LRRC69: variants seen among roughly 807,000 people sequenced by gnomAD.
LRRC69 encodes the protein leucine rich repeat containing 69.
A neutral mutation model predicts 37.8 loss-of-function variants in LRRC69; 42 were observed. The observed-to-expected ratio is 1.11, with a 90% CI of 0.87 to 1.44. The LOEUF is 1.44. Among genes scored for constraint, LRRC69 ranks in the 40% most tolerant of loss-of-function variants. The pLI is 0.00. For synonymous variants in LRRC69, 141 were observed against 143.1 expected (o/e 0.99, Z 0.11); for missense variants, 357 against 401.9 (o/e 0.89, Z 0.96).
intron 6 of LRRC69, among the ~76,000 whole-genome samples, chr8:91,195,103 C>T (rs1040522353): frequency 1.3e-5 from 2 of 152,022 alleles, no homozygotes; most frequent in African/African-American, 4.8e-5. Flanking sequence ...TGTTATGTAC[C>T]CAGTAGTCAT....
chr8:91,195,874 T>C (rs2130620437), intron 6 of LRRC69, among the ~76,000 whole-genome samples: 1 of 152,242 alleles, frequency 6.6e-6, no homozygotes, highest in South Asian at 2.1e-4. Flanking sequence ...TGTGTGAATT[T>C]GATCCTGTCA....
intron 7 of LRRC69, among the ~76,000 whole-genome samples, chr8:91,206,455 CAT>C (rs1809806856): frequency 6.6e-6 from 1 of 152,094 alleles, no homozygotes; most frequent in African/African-American, 2.4e-5. Flanking sequence ...ATCTTGATCA[CAT>C]ATGTAGCTAT....
chr8:91,170,939 G>C (rs1227319892), intron 5 of LRRC69, among the ~76,000 whole-genome samples: 1 of 140,328 alleles, frequency 7.1e-6, no homozygotes, highest in Admixed American at 7.3e-5. Flanking sequence ...CACAGCAAAA[G>C]AAACTACCAT....
At chr8:91,129,563 A>T (rs550215879) in intron 3 of LRRC69, among the ~76,000 whole-genome samples, 10 of 151,888 alleles carry the variant, frequency 6.6e-5, no homozygotes, top group Non-Finnish European at 1.2e-4. Context: ...AAAAATGATA[A>T]TAAAAATGAT....
At chr8:91,133,410 T>A in intron 4 of LRRC69, 105 bp downstream of exon 4, 1 of 765,060 alleles carries the variant, frequency 1.3e-6, no homozygotes, top group South Asian at 2.4e-5. Flanking sequence ...AGCCACCACT[T>A]GCTTTCTCTC....
chr8:91,148,727 C>T (rs1467742111), intron 5 of LRRC69, among the ~76,000 whole-genome samples: 2 of 151,996 alleles, frequency 1.3e-5, no homozygotes, highest in African/African-American at 2.4e-5. Context: ...TATTTCTCCA[C>T]ATCCTCTCCA....
intron 6 of LRRC69, among the ~76,000 whole-genome samples, chr8:91,192,943 T>A (rs924020743): frequency 9.2e-5 from 14 of 152,192 alleles, no homozygotes; most frequent in African/African-American, 1.4e-4. Context: ...CTGAATGGTA[T>A]TGCCTAGGTT....
At chr8:91,161,083 T>C (rs1808935439) in intron 5 of LRRC69, among the ~76,000 whole-genome samples, 1 of 151,490 alleles carries the variant, frequency 6.6e-6, no homozygotes, top group South Asian at 2.1e-4. Flanking sequence ...TCTGTTGATA[T>C]GATGTATTAT....
chr8:91,177,606 G>A (rs1809254572), intron 5 of LRRC69, among the ~76,000 whole-genome samples: 1 of 152,102 alleles, frequency 6.6e-6, no homozygotes, highest in Admixed American at 6.5e-5. Flanking sequence ...AAACACTGCT[G>A]CACATGGTAC....
intron 5 of LRRC69, among the ~76,000 whole-genome samples, chr8:91,148,549 G>A (rs1234330207): frequency 1.3e-5 from 2 of 151,942 alleles, no homozygotes; most frequent in African/African-American, 4.8e-5. Flanking sequence ...ACATACATGT[G>A]CATGTGTCTT....
At chr8:91,176,134 A>ATATATATATTTTTTTTTTTTTTTTT in intron 5 of LRRC69, among the ~76,000 whole-genome samples, 1 of 75,710 alleles carries the variant, frequency 1.3e-5, no homozygotes, top group African/African-American at 6.1e-5. Flanking sequence ...ATATATATAT[A>ATATATATATTTTTTTTTTTTTTTTT]TTTTTTTTTT....
chr8:91,176,713 G>C (rs78771025), intron 5 of LRRC69, among the ~76,000 whole-genome samples: 7,376 of 152,172 alleles, frequency 0.048, 211 homozygotes, highest in African/African-American at 0.074. Flanking sequence ...TGATGTCCTA[G>C]TTCAGTCAGA....
chr8:91,145,743 A>G lies in LRRC69; in HGVS notation c.651+10004A>G, dbSNP rs929318842. On this transcript the variant is annotated intron_variant, in intron 5 of 7. Coordinates refer to ENST00000448384, the Ensembl canonical transcript of LRRC69. ...ATTAGTGAGTTCCAAAACTTGACTAAATGCTTTCCCTGTCACTACTTTTAT... is the reference window on the plus strand; with the variant it reads ...ATTAGTGAGTTCCAAAACTTGACTAGATGCTTTCCCTGTCACTACTTTTAT... Among the ~76,000 whole-genome samples the G allele has an allele frequency of 3.9e-5, 6 of 151,978 alleles. No homozygotes were observed. In the East Asian group the frequency reaches 9.7e-4, roughly 25 times the overall value.
At chr8:91,146,699 G>T (rs1224064848) in intron 5 of LRRC69, among the ~76,000 whole-genome samples, 1 of 151,746 alleles carries the variant, frequency 6.6e-6, no homozygotes, top group Non-Finnish European at 1.5e-5. Flanking sequence ...GGTAGATATG[G>T]ATTTTACATA....
chr8:91,209,170 T>C (rs1472240177), intron 7 of LRRC69, among the ~76,000 whole-genome samples: 1 of 152,176 alleles, frequency 6.6e-6, no homozygotes, highest in Non-Finnish European at 1.5e-5. Flanking sequence ...CTCATGCCTG[T>C]AATCCCAGCA....
intron 5 of LRRC69, among the ~76,000 whole-genome samples, chr8:91,161,602 C>A (rs1423917557): frequency 6.6e-6 from 1 of 151,294 alleles, no homozygotes; most frequent in East Asian, 1.9e-4. Flanking sequence ...ATAATAATCT[C>A]TAATGATCCT....
intron 5 of LRRC69, among the ~76,000 whole-genome samples, chr8:91,139,895 C>A (rs1035144962): frequency 6.6e-6 from 1 of 151,454 alleles, no homozygotes; most frequent in Non-Finnish European, 1.5e-5. Context: ...TCGCAACCAG[C>A]CTGACCAACA....
At chr8:91,209,710 G>A (rs1445523739) in intron 7 of LRRC69, among the ~76,000 whole-genome samples, 1 of 152,084 alleles carries the variant, frequency 6.6e-6, no homozygotes, top group African/African-American at 2.4e-5. Flanking sequence ...CTGTGATTAG[G>A]TACTGCTACT....
intron 5 of LRRC69, among the ~76,000 whole-genome samples, chr8:91,155,864 T>A (rs1171385673): frequency 7.2e-6 from 1 of 138,830 alleles, no homozygotes; most frequent in Non-Finnish European, 1.5e-5. Context: ...TATGTATGTG[T>A]GTGTATATAT....
Sources: allele counts gnomAD v4.1 joint callset (sites outside exome capture counted in the v4.1 genomes callset), GRCh38; gene constraint gnomAD v4.1.1; transcripts MANE v1.5; gene names NCBI Gene and HGNC (gene_info 2026-07-23, HGNC 2026-07-21).